The following NOBOX variants were observed in gnomAD, a reference collection of about 807,000 sequenced individuals.
NOBOX encodes homeobox protein NOBOX.
A neutral mutation model predicts 60.2 loss-of-function variants in NOBOX; 46 were observed. The ratio of observed to expected loss-of-function variants is 0.76; its 90% CI spans 0.60 to 0.98. NOBOX has a LOEUF of 0.98. NOBOX is among the 50% of genes least tolerant of loss of function. The probability of loss-of-function intolerance (pLI) is 0.00; values close to 1 mark genes in which losing one functional copy is unlikely to be tolerated. For synonymous variants in NOBOX, 360 were observed against 346.3 expected, an observed-to-expected ratio of 1.04 and a Z score of -0.44; for missense variants, 880 against 865.5, an observed-to-expected ratio of 1.02 and a Z score of -0.21.
chr7:144,402,169 C>T (rs1347678276), intron 2 of NOBOX, among the ~76,000 whole-genome samples: 1 of 147,750 alleles, frequency 6.8e-6, no homozygotes, highest in African/African-American at 2.5e-5. Context: ...TCCATACATG[C>T]CCCCCCGCCC....
At chr7:144,397,588 T>G in intron 9 of NOBOX, 47 bp from the exon 8 acceptor site, 1 of 1,419,866 alleles carries the variant, frequency 7.0e-7, no homozygotes, top group Non-Finnish European at 9.4e-7. Flanking sequence ...ATGGAGAGTA[T>G]CAACTATCAT....
intron 9 of NOBOX, 55 bp downstream of exon 7, chr7:144,398,227 T>C: frequency 2.0e-6 from 3 of 1,497,014 alleles, no homozygotes; most frequent in South Asian, 1.2e-5. Flanking sequence ...TGGCTCTTTG[T>C]CCCCTCCCAC....
At position 144,401,723 on chromosome 7, in the gene NOBOX, G is replaced by T; in HGVS notation, c.293-126C>A. 2 of 1,075,962 alleles carry T rather than the reference G, an allele frequency of 1.9e-6. No homozygotes were observed. The highest frequency in any genetic ancestry group is 1.7e-5 in the South Asian group (1 of 58,736). The allele number at this position is 1,075,962 out of a possible 1,614,324, so 66.7% of individuals were successfully genotyped here. A position where few individuals can be genotyped will look rare whatever the true frequency, so the allele number is the denominator to read the frequency against. ...GCTTTAATTTGTCTACCTATCAAATGGGGTAATAATTCCACACTTACCTTC... is the reference window on the plus strand; with the variant it reads ...GCTTTAATTTGTCTACCTATCAAATTGGGTAATAATTCCACACTTACCTTC... On this transcript the variant is annotated intron_variant, in intron 3 of 9. Coordinates refer to ENST00000467773, the MANE Select transcript of NOBOX (RefSeq NM_001080413.3). This position sits in a 1 kb window ranked among gnomAD's most constrained non-coding sequence, Gnocchi z 4.2.
At position 144,399,872 on chromosome 7, in the gene NOBOX, G is replaced by T; in HGVS notation, c.1048-9C>A. On this transcript the variant is annotated splice_polypyrimidine_tract_variant and intron_variant, in intron 5 of 9. Coordinates refer to ENST00000467773, the MANE Select transcript of NOBOX (RefSeq NM_001080413.3). ...CGATTCTGGAACCACACCTATGGGG[G>T]GAAAGGTGCTTGAAGAACTGGAGAA... 6.9e-6 allele frequency: 11 copies of T among 1,601,960 alleles called. No homozygotes were observed. The highest frequency in any genetic ancestry group is 9.4e-6 in the Non-Finnish European group (11 of 1,170,308).
chr7:144,398,023 A>G (rs928163312), intron 9 of NOBOX, among the ~76,000 whole-genome samples: 2 of 152,332 alleles, frequency 1.3e-5, no homozygotes, highest in Non-Finnish European at 1.5e-5. Context: ...ACTGAGACTC[A>G]GGAGAGCTAG....
At chr7:144,408,189 G>T (rs918441802) in intron 1 of NOBOX, among the ~76,000 whole-genome samples, 1 of 149,884 alleles carries the variant, frequency 6.7e-6, no homozygotes, top group Non-Finnish European at 1.5e-5. Context: ...TTTAGAAATC[G>T]CCATGCCTTC....
In NOBOX at chr7:144,399,106, AC is replaced by A; in HGVS notation, c.1312del (p.Val438Ter). 1 of 1,450,462 alleles carries A rather than the reference AC, an allele frequency of 6.9e-7. No homozygotes were observed. Among genetic ancestry groups the A allele is most frequent in the South Asian group, 1.2e-5 (1 of 86,926 alleles). 89.8% of individuals were successfully genotyped at this position (1,450,462 alleles called of 1,614,324 possible). The stretch of plus-strand genomic sequence containing the variant: ...TGGGGGGCTGAAGAGTGGGGGGGTC[AC>A]CACCCTCTGAGCACCCTCACTGGGT... On this transcript the variant is annotated frameshift_variant, in exon 8 of 10. Transcript: ENST00000467773. LOFTEE classifies it high-confidence loss of function.
chr7:144,401,979 A>G lies in NOBOX; in HGVS notation c.211-29T>C. 6.5e-7 allele frequency: 1 copy of G among 1,529,998 alleles called. No individual in the cohort carries two copies. 94.8% of individuals were successfully genotyped at this position (1,529,998 alleles called of 1,614,324 possible). A position where few individuals can be genotyped will look rare whatever the true frequency, so the allele number is the denominator to read the frequency against. On this transcript the variant is annotated intron_variant, in intron 2 of 9. Transcript: ENST00000467773. This position sits in a 1 kb window ranked among gnomAD's most constrained non-coding sequence, Gnocchi z 4.2. ...CGGATGGACCAGGAAGACAAAGAGAAACAGATTGACAGAGATTCTGCTTCT... is the reference window on the plus strand; with the variant it reads ...CGGATGGACCAGGAAGACAAAGAGAGACAGATTGACAGAGATTCTGCTTCT...
Position 144,398,510 on chromosome 7 carries a change from G to A in NOBOX, c.1546C>T (p.Pro516Ser), listed in dbSNP as rs531662858. 2.6e-4 allele frequency: 398 copies of A among 1,536,672 alleles called. 5 individuals carry two copies. In the South Asian group the frequency reaches 4.4e-3, roughly 17 times the overall value. ...TGTGGAGCCTGGGAGAACTGGAAGGGTCCTGGCTGGTTGCTCTGTTGGTAA... is the reference window on the plus strand; with the variant it reads ...TGTGGAGCCTGGGAGAACTGGAAGGATCCTGGCTGGTTGCTCTGTTGGTAA... The change falls in exon 9 of 10, where the codon CCC becomes TCC. Residue 516 changes from proline (P) to serine (S), a missense_variant. Coordinates refer to ENST00000467773, the MANE Select transcript of NOBOX (RefSeq NM_001080413.3).
At chr7:144,407,428 G>C (rs899192913) in intron 1 of NOBOX, among the ~76,000 whole-genome samples, 17 of 152,168 alleles carry the variant, frequency 1.1e-4, no homozygotes, top group African/African-American at 4.1e-4. Context: ...GTCACAGCCA[G>C]GGAGATCGTA....
At position 144,401,765 on chromosome 7, in the gene NOBOX, G is replaced by C. The variant is rs1379126555; in HGVS notation, c.292+104C>G. On this transcript the variant is annotated intron_variant, in intron 3 of 9. Transcript: ENST00000467773. This position sits in a 1 kb window ranked among gnomAD's most constrained non-coding sequence, Gnocchi z 4.2. ...CTTACCTTCCTAGCTTGACTATTGT[G>C]AGGATTAAATCAGATAACCCAACTT... 9.5e-7 allele frequency: 1 copy of C among 1,057,728 alleles called. No individual in the cohort carries two copies. The highest frequency in any genetic ancestry group is 1.4e-6 in the Non-Finnish European group (1 of 718,244). 65.5% of individuals were successfully genotyped at this position (1,057,728 alleles called of 1,614,324 possible).
At chr7:144,406,286 A>C (rs1275056115) in intron 1 of NOBOX, among the ~76,000 whole-genome samples, 1 of 152,192 alleles carries the variant, frequency 6.6e-6, no homozygotes, top group Non-Finnish European at 1.5e-5. Flanking sequence ...AGCGGGGCAC[A>C]GTGGCTCATG....
intron 2 of NOBOX, among the ~76,000 whole-genome samples, chr7:144,402,179 C>A (rs1411047117): frequency 1.4e-5 from 2 of 142,772 alleles, no homozygotes; most frequent in Non-Finnish European, 3.1e-5. Flanking sequence ...CCCCCCCGCC[C>A]GCACCCCCCA....
Position 144,401,708 on chromosome 7 carries a change from G to T in NOBOX, c.293-111C>A, listed in dbSNP as rs141613540. ...ACGGTTTGATCTTAAGCTTTAATTT[G>T]TCTACCTATCAAATGGGGTAATAAT... is the stretch of plus-strand genomic sequence containing the variant. On this transcript the variant is annotated intron_variant, in intron 3 of 9. Transcript: ENST00000467773. The surrounding 1 kb of genome is among the most constrained non-coding windows in gnomAD (Gnocchi z 4.2). The T allele has an allele frequency of 5.5e-4, 641 of 1,163,974 alleles. 8 individuals carry two copies. The African/African-American group carries it at 8.8e-3, about 16-fold the overall frequency. The allele number at this position is 1,163,974 out of a possible 1,614,324, so 72.1% of individuals were successfully genotyped here.
Position 144,399,756 on chromosome 7 carries a change from C to A in NOBOX, c.1154+1G>T. On this transcript the variant is annotated splice_donor_variant, in intron 6 of 9. Coordinates refer to ENST00000467773, the MANE Select transcript of NOBOX (RefSeq NM_001080413.3). LOFTEE classifies it high-confidence loss of function. ...GATACAGAAAGAGGAAGAATTCTGA[C>A]CTGCATTGACTGCTGGCAGGGCCAG... 2 of 1,606,770 alleles carry A rather than the reference C, an allele frequency of 1.2e-6. No individual in the cohort carries two copies. Among genetic ancestry groups the A allele is most frequent in the Non-Finnish European group, 8.5e-7 (1 of 1,175,512 alleles).
In NOBOX at chr7:144,401,161, G is replaced by C. The variant is rs746333386; in HGVS notation, c.729C>G (p.His243Gln). 5 of 1,611,984 alleles carry C rather than the reference G, an allele frequency of 3.1e-6. No homozygotes were observed. In the Admixed American group the frequency reaches 8.4e-5, roughly 27 times the overall value. Reference sequence around the variant, plus strand: ...CCAATGTACTGAGGAGATTGGCCAGGTGGCAGGGCCCCCGGCCTGACCCAC... The same window carrying C: ...CCAATGTACTGAGGAGATTGGCCAGCTGGCAGGGCCCCCGGCCTGACCCAC... Residue 243 changes from histidine to glutamine, a missense_variant, in exon 4 of 10, where the codon CAC (histidine) becomes CAG (glutamine). Transcript: ENST00000467773. This position sits in a 1 kb window ranked among gnomAD's most constrained non-coding sequence, Gnocchi z 4.2.
chr7:144,404,930 G>A (rs896736851), intron 1 of NOBOX, among the ~76,000 whole-genome samples: 29 of 151,702 alleles, frequency 1.9e-4, no homozygotes, highest in African/African-American at 6.8e-4. Flanking sequence ...GAGCTGGGTG[G>A]GGAGCGGGGC....
intron 2 of NOBOX, among the ~76,000 whole-genome samples, chr7:144,402,792 C>T (rs1020817795): frequency 2.9e-5 from 4 of 137,132 alleles, no homozygotes; most frequent in Admixed American, 7.9e-5. Flanking sequence ...AGTCTCGCTC[C>T]GTCGCCCAGG....
chr7:144,401,389 G>A lies in NOBOX; in HGVS notation c.501C>T (p.Pro167=), dbSNP rs1207054282. The A allele has an allele frequency of 1.2e-6, 2 of 1,613,576 alleles. No homozygotes were observed. Among genetic ancestry groups the A allele is most frequent in the Admixed American group, 1.7e-5 (1 of 60,006 alleles). ...AGCGGGCTAGAGTTCTGTCTTTGTG[G>A]GGAGCCCTGGAGCGGGGGGGCGGGC... The change falls in exon 4 of 10, where the codon CCC becomes CCT. Residue 167 remains proline (P), a synonymous_variant. Coordinates refer to ENST00000467773, the MANE Select transcript of NOBOX (RefSeq NM_001080413.3). The surrounding 1 kb of genome is among the most constrained non-coding windows in gnomAD (Gnocchi z 4.2).
Sources: gnomAD v4.1 joint callset for allele counts (sites outside exome capture counted in the v4.1 genomes callset) on GRCh38, gnomAD v4.1.1 for gene constraint, Gnocchi (gnomAD v3.1) non-coding constraint, MANE v1.5 for transcripts, NCBI Gene and HGNC (gene_info 2026-07-23, HGNC 2026-07-21) for gene names.